The following SERINC2 variants were observed in gnomAD, a reference collection of about 807,000 sequenced individuals.
SERINC2 encodes the protein tumor differentially expressed protein 2.
Under a neutral mutation model 54.2 loss-of-function variants are expected in SERINC2, and 56 were observed. The ratio of observed to expected loss-of-function variants is 1.03; its 90% CI spans 0.83 to 1.29. SERINC2 has a LOEUF of 1.29. Among genes scored for constraint, SERINC2 ranks in the 50% most tolerant of loss-of-function variants. The pLI is 0.00. For missense variants in SERINC2, 614 were observed against 607.4 expected (o/e 1.01, Z -0.12); for synonymous variants, 272 against 253.1 (o/e 1.07, Z -0.71).
At chr1:31,427,098 G>T (rs1220135411) in intron 6 of SERINC2, among the ~76,000 whole-genome samples, 1 of 152,156 alleles carries the variant, frequency 6.6e-6, no homozygotes, top group Non-Finnish European at 1.5e-5. Flanking sequence ...GATCCTATTT[G>T]TAAACACTCC....
chr1:31,433,132 C>A lies in SERINC2; in HGVS notation c.1179C>A (p.Phe393Leu). The change falls in exon 9 of 10, where the codon TTC (phenylalanine) becomes TTA (leucine). Residue 393 changes from phenylalanine (F) to leucine (L), a missense_variant. Transcript: ENST00000373709. ...GVTYSYSFFHFCLVLASLHVM... is the reference protein window; with the variant it reads ...GVTYSYSFFHLCLVLASLHVM... ...CCTACAGCTACTCCTTCTTCCACTT[C>A]TGCCTGGTGCTGGCCTCACTGCACG... 6.2e-7 allele frequency: 1 copy of A among 1,613,844 alleles called. No homozygotes were observed. The highest frequency in any genetic ancestry group is 1.1e-5 in the South Asian group (1 of 91,090).
upstream of SERINC2, chr1:31,409,885 G>C: frequency 2.0e-6 from 3 of 1,530,274 alleles, no homozygotes; most frequent in Non-Finnish European, 2.7e-6. Flanking sequence ...TGGATTGGGG[G>C]CACTGAGGCG....
In SERINC2 at chr1:31,413,653, T is replaced by G. The variant is rs1640700747; in HGVS notation, c.39+349T>G. Among the ~76,000 whole-genome samples, 1 of 151,916 alleles carries G rather than the reference T, an allele frequency of 6.6e-6. No homozygotes were observed. Among genetic ancestry groups the G allele is most frequent in the Non-Finnish European group, 1.5e-5 (1 of 67,952 alleles). On this transcript the variant is annotated intron_variant, in intron 1 of 9. Transcript: ENST00000373709. This position sits in a 1 kb window ranked among gnomAD's most constrained non-coding sequence, Gnocchi z 5.0. ...GCTCTGTGGGCCCTCGTCGCCCCACTTGGGGCGGTCCTCGGGGTGGCCTCT... is the reference window on the plus strand; with the variant it reads ...GCTCTGTGGGCCCTCGTCGCCCCACGTGGGGCGGTCCTCGGGGTGGCCTCT...
Position 31,433,147 on chromosome 1 carries a change from C to T in SERINC2, c.1194C>T (p.Ala398=), listed in dbSNP as rs1641369767. ...TCTTCCACTTCTGCCTGGTGCTGGC[C>T]TCACTGCACGTCATGATGACGCTCA... The part of the protein sequence containing the change: ...YSFFHFCLVL[A]SLHVMMTLTN... The change falls in exon 9 of 10, where the codon GCC becomes GCT. Residue 398 remains alanine (A), a synonymous_variant. Coordinates refer to ENST00000373709, the MANE Select transcript of SERINC2 (RefSeq NM_178865.5). The T allele has an allele frequency of 4.3e-6, 7 of 1,613,764 alleles. No homozygotes were observed. In the East Asian group the frequency reaches 1.3e-4, roughly 31 times the overall value.
At chr1:31,414,616 T>C in intron 1 of SERINC2, 1 of 985,740 alleles carries the variant, frequency 1.0e-6, no homozygotes, top group African/African-American at 1.7e-5. Flanking sequence ...TGTGTGTGCG[T>C]GTGCATGTGC....
chr1:31,417,684 C>T (rs782812696), intron 1 of SERINC2, among the ~76,000 whole-genome samples: 21 of 152,124 alleles, frequency 1.4e-4, no homozygotes, highest in Non-Finnish European at 1.2e-4. Context: ...TAAACAGTAA[C>T]TCCCCAGCCC....
At chr1:31,416,785 A>T (rs998193747) in intron 1 of SERINC2, among the ~76,000 whole-genome samples, 9 of 152,184 alleles carry the variant, frequency 5.9e-5, no homozygotes, top group African/African-American at 2.2e-4. Flanking sequence ...CAGTGGCACC[A>T]TTCTGGCTCA....
intron 1 of SERINC2, among the ~76,000 whole-genome samples, chr1:31,419,457 C>A (rs1640856076): frequency 6.6e-6 from 1 of 152,134 alleles, no homozygotes; most frequent in Non-Finnish European, 1.5e-5. Flanking sequence ...GTGTTACCTA[C>A]ATATTTGCCC....
At position 31,413,535 on chromosome 1, in the gene SERINC2, C is replaced by T. The variant is rs1440093280; in HGVS notation, c.39+231C>T. 2.6e-5 allele frequency among the ~76,000 whole-genome samples: 4 copies of T among 151,946 alleles called. No individual in the cohort carries two copies. The highest frequency in any genetic ancestry group is 5.9e-5 in the Non-Finnish European group (4 of 67,922). On this transcript the variant is annotated intron_variant, in intron 1 of 9. Transcript: ENST00000373709. This position sits in a 1 kb window ranked among gnomAD's most constrained non-coding sequence, Gnocchi z 5.0. ...GGCAGGCGCCGGGCAGCTGCGGTCC[C>T]GGCTCGGGTTTCCGCGGGCAGGAGG...
At chr1:31,432,430 T>C (rs1168097636) in intron 8 of SERINC2, among the ~76,000 whole-genome samples, 2 of 152,264 alleles carry the variant, frequency 1.3e-5, no homozygotes, top group East Asian at 1.9e-4. Flanking sequence ...TGTTGTTCTT[T>C]TTTTAGTGTA....
chr1:31,425,686 C>T (rs1553133476), intron 4 of SERINC2, 90 bp from the exon 5 acceptor site: 2 of 1,465,442 alleles, frequency 1.4e-6, no homozygotes, highest in East Asian at 2.3e-5. Context: ...TTCTCAGTGT[C>T]CCCGGTGCAG....
intron 1 of SERINC2, among the ~76,000 whole-genome samples, chr1:31,423,216 A>G (rs921782407): frequency 3.9e-5 from 6 of 152,170 alleles, no homozygotes; most frequent in Non-Finnish European, 8.8e-5. Flanking sequence ...TAAGTGGGGA[A>G]GGGGAAAGGG....
chr1:31,429,634 G>A (rs1393422976), intron 8 of SERINC2, 96 bp downstream of exon 8: 17 of 1,326,274 alleles, frequency 1.3e-5, no homozygotes, highest in South Asian at 2.8e-5. Flanking sequence ...AAACTGGAAC[G>A]TGCTCTTCAC....
In SERINC2 at chr1:31,434,611, C is replaced by G. The variant is rs1557505371; in HGVS notation, c.*412C>G. On this transcript the variant is annotated 3_prime_UTR_variant, in exon 10 of 10. Coordinates refer to ENST00000373709, the MANE Select transcript of SERINC2 (RefSeq NM_178865.5). The stretch of plus-strand genomic sequence containing the variant: ...CACGTCCCCCAGGGGACCCTGCCCA[C>G]TTCCTGGACTTCGTGCCTTACTGAG... The G allele has an allele frequency of 9.5e-6, 2 of 210,876 alleles. No individual in the cohort carries two copies. Among genetic ancestry groups the G allele is most frequent in the African/African-American group, 4.6e-5 (2 of 43,772 alleles). The allele number at this position is 210,876 out of a possible 1,614,324, so 13.1% of individuals were successfully genotyped here.
At position 31,434,441 on chromosome 1, in the gene SERINC2, TC is replaced by T; in HGVS notation, c.*246del. ...CCACACGGTGGAGCTGCCTCTTCCT[TC>T]CCCTCCTCCCTGTTGCCCATACTCA... On this transcript the variant is annotated 3_prime_UTR_variant, in exon 10 of 10. Coordinates refer to ENST00000373709, the MANE Select transcript of SERINC2 (RefSeq NM_178865.5). 1.8e-6 allele frequency: 1 copy of T among 543,414 alleles called. No individual in the cohort carries two copies. 33.7% of individuals were successfully genotyped at this position (543,414 alleles called of 1,614,324 possible).
chr1:31,414,547 TAGAC>T, intron 1 of SERINC2: 1 of 988,784 alleles, frequency 1.0e-6, no homozygotes, highest in South Asian at 4.7e-5. Flanking sequence ...GAGATCAGCA[TAGAC>T]AGCACAGAGA....
At position 31,413,286 on chromosome 1, in the gene SERINC2, C is replaced by G; in HGVS notation, c.21C>G (p.Ala7=). ...CCGCCATGGGGGCCTGCCTGGGAGC[C>G]TGCTCCCTGCTCAGCTGCGTGAGTC... The part of the protein sequence containing the change: MGACLG[A]CSLLSCASCL... Residue 7 remains alanine (A), a synonymous_variant, in exon 1 of 10, where the codon GCC becomes GCG. Coordinates refer to ENST00000373709, the MANE Select transcript of SERINC2 (RefSeq NM_178865.5). This position sits in a 1 kb window ranked among gnomAD's most constrained non-coding sequence, Gnocchi z 5.0. 1 of 1,273,262 alleles carries G rather than the reference C, an allele frequency of 7.9e-7. No homozygotes were observed. The highest frequency in any genetic ancestry group is 3.2e-5 in the East Asian group (1 of 31,382). 78.9% of individuals were successfully genotyped at this position (1,273,262 alleles called of 1,614,324 possible).
chr1:31,424,761 T>C lies in SERINC2; in HGVS notation c.280T>C (p.Tyr94His), dbSNP rs782371695. 1 of 1,611,802 alleles carries C rather than the reference T, an allele frequency of 6.2e-7. No individual in the cohort carries two copies. The change falls in exon 3 of 10, where the codon TAC (tyrosine) becomes CAC (histidine). Residue 94 changes from tyrosine (Y) to histidine (H), a missense_variant. Transcript: ENST00000373709. ...CATCGACTGTGGCTCCCTGCTTGGC[T>C]ACCGCGCTGTCTACCGCATGTGCTT... ...GHIDCGSLLG[Y>H]RAVYRMCFAT...
At chr1:31,431,967 T>C (rs184177073) in intron 8 of SERINC2, among the ~76,000 whole-genome samples, 157 of 38,116 alleles carry the variant, frequency 4.1e-3, no homozygotes, top group Middle Eastern at 0.021. Flanking sequence ...TTAGGGTGGA[T>C]AGGGTGGATA....
Sources: allele counts gnomAD v4.1 joint callset (sites outside exome capture counted in the v4.1 genomes callset), GRCh38; gene constraint gnomAD v4.1.1; non-coding constraint Gnocchi (gnomAD v3.1); transcripts MANE v1.5; gene names NCBI Gene and HGNC (gene_info 2026-07-23, HGNC 2026-07-21).